LOXL2: variants seen among roughly 807,000 people sequenced by gnomAD.
LOXL2 encodes lysyl oxidase homolog 2.
In LOXL2, 70 loss-of-function variants were observed where a neutral mutation model predicts 93.0. The observed-to-expected ratio is 0.75, with a 90% CI of 0.62 to 0.92. LOXL2 has a LOEUF of 0.92. Among genes scored for constraint, LOXL2 ranks in the 40% least tolerant of loss-of-function variants. LOXL2 has a pLI of 0.00. For synonymous variants in LOXL2, 438 were observed against 413.2 expected (o/e 1.06, Z -0.73); for missense variants, 973 against 1,054.9 (o/e 0.92, Z 1.08).
intron 12 of LOXL2, 126 bp downstream of exon 12, chr8:23,301,901 G>GT: frequency 4.2e-6 from 5 of 1,178,236 alleles, no homozygotes; most frequent in Non-Finnish European, 6.0e-6. Context: ...GCCTCTGGGG[G>GT]TAGCACCTTG....
chr8:23,334,348 T>A (rs1204655667), intron 4 of LOXL2, among the ~76,000 whole-genome samples: 1 of 152,268 alleles, frequency 6.6e-6, no homozygotes, highest in East Asian at 1.9e-4. Context: ...CTGTTGTCAT[T>A]CTTTAGCTTT....
Position 23,298,820 on chromosome 8 carries a change from G to GA in LOXL2, c.2245+15_2245+16insT. 1 of 1,548,118 alleles carries GA rather than the reference G, an allele frequency of 6.5e-7. No individual in the cohort carries two copies. The highest frequency in any genetic ancestry group is 1.1e-5 in the South Asian group (1 of 89,754). On this transcript the variant is annotated intron_variant, in intron 13 of 13. Coordinates refer to ENST00000389131, the MANE Select transcript of LOXL2 (RefSeq NM_002318.3). ...GCTCCCGCCTGCTTCCTGGAGTGGG[G>GA]GCGGCCTGGCCTTACCTATGTGGCA...
chr8:23,341,075 C>T lies in LOXL2; in HGVS notation c.660G>A (p.Lys220=), dbSNP rs1803875011. The change falls in exon 4 of 14, where the codon AAG becomes AAA. Residue 220 remains lysine, a synonymous_variant. Transcript: ENST00000389131. The part of the protein sequence containing the change: ...EGKTWKQICD[K]HWTAKNSRVV... ...CGCGGGAATTCTTGGCCGTCCAGTG[C>T]TTGTCACAGATCTGCTTCCAGGTCT... The T allele has an allele frequency of 2.5e-6, 4 of 1,614,162 alleles. No homozygotes were observed. The highest frequency in any genetic ancestry group is 3.4e-6 in the Non-Finnish European group (4 of 1,180,036).
At chr8:23,298,267 A>T (rs948409380) in intron 13 of LOXL2, 145 bp from the exon 14 acceptor site, 2 of 634,812 alleles carry the variant, frequency 3.2e-6, no homozygotes, top group African/African-American at 3.6e-5. Flanking sequence ...GGCACTGGCC[A>T]TCTCTAGGGC....
intron 5 of LOXL2, among the ~76,000 whole-genome samples, chr8:23,330,116 G>C (rs1382436900): frequency 6.6e-6 from 1 of 152,192 alleles, no homozygotes; most frequent in Non-Finnish European, 1.5e-5. Flanking sequence ...ACGAGGTCAG[G>C]AGATTGAGAC....
intron 12 of LOXL2, among the ~76,000 whole-genome samples, chr8:23,299,346 G>T (rs1803089546): frequency 6.6e-6 from 1 of 152,220 alleles, no homozygotes; most frequent in South Asian, 2.1e-4. Context: ...CTGGAAGAGG[G>T]CTGCCTGGGC....
intron 8 of LOXL2, among the ~76,000 whole-genome samples, chr8:23,318,628 G>C (rs893058386): frequency 3.3e-5 from 5 of 152,174 alleles, no homozygotes; most frequent in African/African-American, 1.2e-4. Flanking sequence ...CAAGACCCCA[G>C]CTGAGGCCCA....
chr8:23,299,949 G>A (rs1183235457), intron 12 of LOXL2, among the ~76,000 whole-genome samples: 1 of 152,248 alleles, frequency 6.6e-6, no homozygotes, highest in Admixed American at 6.5e-5. Flanking sequence ...TGGCTCAGCT[G>A]TGTCCCGCTG....
rs777875399 is a variant in LOXL2 at position 23,341,110 on chromosome 8, T to C, written c.625A>G (p.Lys209Glu). 2.5e-6 allele frequency: 4 copies of C among 1,613,876 alleles called. No individual in the cohort carries two copies. In the East Asian group the frequency reaches 8.9e-5, roughly 36 times the overall value. Reference sequence around the variant, plus strand: ...ATCTGCTTCCAGGTCTTGCCCTCCTTCACCTCCACGTAGCCCTCCATCACT... The same window carrying C: ...ATCTGCTTCCAGGTCTTGCCCTCCTCCACCTCCACGTAGCCCTCCATCACT... ...TPVMEGYVEVKEGKTWKQICD... is the reference protein window; with the variant it reads ...TPVMEGYVEVEEGKTWKQICD... Residue 209 changes from lysine to glutamate, a missense_variant, in exon 4 of 14, where the codon AAG becomes GAG. Lys to Glu is a moderately conservative substitution (Grantham distance 56, BLOSUM62 1). Coordinates refer to ENST00000389131, the MANE Select transcript of LOXL2 (RefSeq NM_002318.3).
intron 6 of LOXL2, among the ~76,000 whole-genome samples, chr8:23,323,890 TG>T (rs1398881924): frequency 6.6e-6 from 1 of 152,102 alleles, no homozygotes; most frequent in East Asian, 1.9e-4. Flanking sequence ...TTAGTAGACA[TG>T]GGGTTTCACC....
Position 23,360,074 on chromosome 8 carries a change from A to G in LOXL2, c.531+16T>C, listed in dbSNP as rs763917543. 3.8e-6 allele frequency: 6 copies of G among 1,587,858 alleles called. No homozygotes were observed. The highest frequency in any genetic ancestry group is 5.2e-6 in the Non-Finnish European group (6 of 1,158,408). Reference sequence around the variant, plus strand: ...AAATGTTTGCATGAAGGAAACATCAAGAGCACATGACTTGCCTCTATCTGG... The same window carrying G: ...AAATGTTTGCATGAAGGAAACATCAGGAGCACATGACTTGCCTCTATCTGG... On this transcript the variant is annotated intron_variant, in intron 3 of 13. Coordinates refer to ENST00000389131, the MANE Select transcript of LOXL2 (RefSeq NM_002318.3).
intron 7 of LOXL2, 139 bp from the exon 8 acceptor site, chr8:23,320,191 G>A (rs953320762): frequency 9.0e-6 from 8 of 885,700 alleles, no homozygotes; most frequent in Non-Finnish European, 8.5e-6. Context: ...AGCACCCTTG[G>A]GAGCCCCCGG....
At chr8:23,371,552 C>A (rs11777182) in intron 1 of LOXL2, among the ~76,000 whole-genome samples, 151,720 of 151,724 alleles carry the variant, frequency 1, 75,858 homozygotes, top group Middle Eastern at 1. Flanking sequence ...GGAGATCAAG[C>A]CCATCCCGGC....
intron 6 of LOXL2, among the ~76,000 whole-genome samples, chr8:23,325,240 T>G (rs1803560428): frequency 1.3e-5 from 2 of 152,250 alleles, no homozygotes; most frequent in South Asian, 4.1e-4. Flanking sequence ...ACGTCATCTT[T>G]TTAAAATTGT....
At chr8:23,335,066 C>T (rs112963915) in intron 4 of LOXL2, among the ~76,000 whole-genome samples, 4,062 of 152,258 alleles carry the variant, frequency 0.027, 173 homozygotes, top group African/African-American at 0.093. Flanking sequence ...CTGCCTCCCT[C>T]GGCCTCCCAA....
chr8:23,386,600 TG>T (rs1157574928), intron 1 of LOXL2, among the ~76,000 whole-genome samples: 1 of 152,120 alleles, frequency 6.6e-6, no homozygotes, highest in African/African-American at 2.4e-5. Context: ...AAAAGCCTGG[TG>T]GAGATACCAC....
chr8:23,365,360 T>C (rs891625336), intron 2 of LOXL2: 8 of 152,166 alleles, frequency 5.3e-5, no homozygotes, highest in African/African-American at 1.7e-4. Context: ...AATTAGCTAA[T>C]ATTCACTGAG....
At chr8:23,366,481 G>A (rs1336084979) in intron 2 of LOXL2, among the ~76,000 whole-genome samples, 1 of 152,232 alleles carries the variant, frequency 6.6e-6, no homozygotes, top group African/African-American at 2.4e-5. Flanking sequence ...TGGAAGGGAG[G>A]ATAACAGTTA....
At chr8:23,334,887 A>C (rs1803765354) in intron 4 of LOXL2, among the ~76,000 whole-genome samples, 1 of 150,910 alleles carries the variant, frequency 6.6e-6, no homozygotes, top group Non-Finnish European at 1.5e-5. Flanking sequence ...CGCGATCTTA[A>C]CTCACTGCAA....
Sources: allele counts gnomAD v4.1 joint callset (sites outside exome capture counted in the v4.1 genomes callset), GRCh38; gene constraint gnomAD v4.1.1; transcripts MANE v1.5; gene names NCBI Gene and HGNC (gene_info 2026-07-23, HGNC 2026-07-21).